TDRD3: variants seen among roughly 807,000 people sequenced by gnomAD.
TDRD3 encodes the protein tudor domain containing 3.
TDRD3 carries 45 observed loss-of-function variants against 86.7 expected under a neutral mutation model. That is an observed-to-expected ratio of 0.52 (90% CI 0.41 to 0.67). The LOEUF (loss-of-function observed/expected upper bound fraction) is 0.67, where lower values mean the gene tolerates loss of function less well. Among genes scored for constraint, TDRD3 ranks in the 30% least tolerant of loss-of-function variants. TDRD3 has a pLI of 0.00. For missense variants in TDRD3, 814 were observed against 889.0 expected (o/e 0.92, Z 1.07); for synonymous variants, 298 against 301.7 (o/e 0.99, Z 0.13).
intron 3 of TDRD3, 126 bp downstream of exon 3, chr13:60,444,874 C>G (rs1293227303): frequency 4.5e-6 from 2 of 447,432 alleles, no homozygotes; most frequent in African/African-American, 2.1e-5. Flanking sequence ...GAACAGGTCA[C>G]AAAGTCATTG....
At chr13:60,476,144 G>A (rs1172686787) in intron 5 of TDRD3, among the ~76,000 whole-genome samples, 2 of 151,944 alleles carry the variant, frequency 1.3e-5, no homozygotes, top group African/African-American at 4.8e-5. Context: ...TATTTCCTAG[G>A]GTTTCTTCTA....
chr13:60,571,688 A>T (rs2138016325), intron 13 of TDRD3, among the ~76,000 whole-genome samples: 1 of 152,266 alleles, frequency 6.6e-6, no homozygotes, highest in East Asian at 1.9e-4. Context: ...ACATTCTTTG[A>T]TTATCCTAAA....
intron 4 of TDRD3, chr13:60,461,127 A>G (rs1317039848): frequency 1.3e-5 from 2 of 152,192 alleles, no homozygotes; most frequent in African/African-American, 2.4e-5. Context: ...TAGGTCACTC[A>G]ATTGTTAGAA....
In TDRD3 at chr13:60,494,433, A is replaced by C; in HGVS notation, c.718-2A>C. The C allele has an allele frequency of 3.7e-6, 6 of 1,610,550 alleles. No homozygotes were observed. The highest frequency in any genetic ancestry group is 5.1e-6 in the Non-Finnish European group (6 of 1,178,098). ...TCTCTTTTATCTTTCTCTTATGTAAAGACCAAGACATTTGGAGGAGGTGGT... is the reference window on the plus strand; with the variant it reads ...TCTCTTTTATCTTTCTCTTATGTAACGACCAAGACATTTGGAGGAGGTGGT... On this transcript the variant is annotated splice_acceptor_variant, in intron 7 of 13. Transcript: ENST00000377881. LOFTEE classifies it high-confidence loss of function.
At chr13:60,420,584 G>A (rs1002248147) in intron 1 of TDRD3, among the ~76,000 whole-genome samples, 1 of 151,978 alleles carries the variant, frequency 6.6e-6, no homozygotes, top group Admixed American at 6.6e-5. Flanking sequence ...AGATATTCAG[G>A]TATTTCAGTG....
At chr13:60,493,139 C>T (rs547353069) in intron 7 of TDRD3, among the ~76,000 whole-genome samples, 1 of 151,400 alleles carries the variant, frequency 6.6e-6, no homozygotes, top group East Asian at 2.0e-4. Context: ...AAGATGGTCT[C>T]GATCTCCTGA....
At chr13:60,455,287 A>C (rs981649335) in intron 3 of TDRD3, among the ~76,000 whole-genome samples, 4 of 152,358 alleles carry the variant, frequency 2.6e-5, no homozygotes, top group Non-Finnish European at 5.9e-5. Flanking sequence ...TAGGTAAAAA[A>C]GAGGTCGTCA....
chr13:60,467,267 AG>A lies in TDRD3; in HGVS notation c.384del (p.Lys128AsnfsTer8). 6.2e-7 allele frequency: 1 copy of A among 1,613,874 alleles called. No individual in the cohort carries two copies. The highest frequency in any genetic ancestry group is 8.5e-7 in the Non-Finnish European group (1 of 1,179,870). On this transcript the variant is annotated frameshift_variant, in exon 5 of 14. Transcript: ENST00000377881. LOFTEE classifies it high-confidence loss of function. ...SLNTPPGTKVKLSGIVDIKNG... is the reference protein window; with the variant it reads ...SLNTPPGTKVXLSGIVDIKNG... ...AACACACCACCTGGAACTAAAGTTA[AG>A]CTCTCAGGCATTGTTGACATAAAAA...
intron 13 of TDRD3, among the ~76,000 whole-genome samples, chr13:60,568,425 T>C (rs1272967018): frequency 6.6e-6 from 1 of 152,234 alleles, no homozygotes; most frequent in African/African-American, 2.4e-5. Context: ...ATGGAATAAC[T>C]GGTTTGTCAT....
chr13:60,403,323 A>G (rs1321967453), intron 1 of TDRD3, among the ~76,000 whole-genome samples: 1 of 152,224 alleles, frequency 6.6e-6, no homozygotes, highest in African/African-American at 2.4e-5. Flanking sequence ...TAAGAACCAT[A>G]AAAATATGAC....
At chr13:60,518,561 T>C (rs2137709679) in intron 10 of TDRD3, among the ~76,000 whole-genome samples, 1 of 152,366 alleles carries the variant, frequency 6.6e-6, no homozygotes, top group African/African-American at 2.4e-5. Context: ...GTCCTGCCAT[T>C]GATGTGTTGC....
intron 12 of TDRD3, among the ~76,000 whole-genome samples, chr13:60,557,819 G>GTTTTTTTTTTTT (rs1491187240): frequency 2.2e-5 from 2 of 89,952 alleles, no homozygotes; most frequent in African/African-American, 3.6e-5. Context: ...TTTTTTTCCT[G>GTTTTTTTTTTTT]ATTTTTTTTT....
intron 11 of TDRD3, among the ~76,000 whole-genome samples, chr13:60,534,165 T>G (rs1957646775): frequency 6.6e-6 from 1 of 152,036 alleles, no homozygotes; most frequent in Non-Finnish European, 1.5e-5. Flanking sequence ...TTTTAAAAAT[T>G]AGCCAGGCAT....
rs1047388031 is a variant in TDRD3, at chr13:60,529,099, A to G, written c.1874A>G (p.Lys625Arg). The G allele has an allele frequency of 6.2e-7, 1 of 1,614,028 alleles. No homozygotes were observed. Among genetic ancestry groups the G allele is most frequent in the Non-Finnish European group, 8.5e-7 (1 of 1,179,934 alleles). Residue 625 changes from lysine to arginine, a missense_variant, in exon 11 of 14, where the codon AAA becomes AGA. Physicochemically the swap from Lys to Arg is conservative, Grantham distance 26. Transcript: ENST00000377881. ...DDKIFYNSGP[K>R]RRSGPIKPEK... Reference sequence around the variant, plus strand: ...AAAATATTTTACAATAGTGGGCCCAAACGAAGATCTGGGCCAATTAAGCCA... The same window carrying G: ...AAAATATTTTACAATAGTGGGCCCAGACGAAGATCTGGGCCAATTAAGCCA...
intron 1 of TDRD3, among the ~76,000 whole-genome samples, chr13:60,431,281 T>A (rs749122046): frequency 6.6e-6 from 1 of 152,032 alleles, no homozygotes; most frequent in African/African-American, 2.4e-5. Context: ...ATTTTACTTG[T>A]GAAACAAGGT....
intron 3 of TDRD3, among the ~76,000 whole-genome samples, chr13:60,459,440 C>A (rs1238572823): frequency 6.6e-6 from 1 of 152,128 alleles, no homozygotes; most frequent in Non-Finnish European, 1.5e-5. Context: ...ATTTGGCCAA[C>A]ACATATAATA....
intron 12 of TDRD3, among the ~76,000 whole-genome samples, chr13:60,540,337 AAGCTTTCTT>A (rs1238887858): frequency 6.6e-6 from 1 of 152,154 alleles, no homozygotes; most frequent in African/African-American, 2.4e-5. Flanking sequence ...CAGTATCTTT[AAGCTTTCTT>A]TTAGTAAAGT....
At chr13:60,550,814 A>G (rs1471122222) in intron 12 of TDRD3, among the ~76,000 whole-genome samples, 2 of 152,122 alleles carry the variant, frequency 1.3e-5, no homozygotes, top group Non-Finnish European at 2.9e-5. Flanking sequence ...AAAAAATAAA[A>G]CTTTACATTT....
chr13:60,510,817 T>TA (rs1957043688), intron 10 of TDRD3, 62 bp downstream of exon 10: 1 of 1,258,580 alleles, frequency 7.9e-7, no homozygotes, highest in African/African-American at 1.6e-5. Context: ...TTTTTTTTTT[T>TA]AGCGTATTTC....
Sources: gnomAD v4.1 joint callset for allele counts (sites outside exome capture counted in the v4.1 genomes callset) on GRCh38, gnomAD v4.1.1 for gene constraint, MANE v1.5 for transcripts, NCBI Gene and HGNC (gene_info 2026-07-23, HGNC 2026-07-21) for gene names.